Variants in PCDH15 observed in about 807,000 individuals in gnomAD.
PCDH15 encodes the protein protocadherin related 15, also known as protocadherin-15.
In PCDH15, 129 loss-of-function variants were observed where a neutral mutation model predicts 178.5. The ratio of observed to expected loss-of-function variants is 0.72; its 90% CI spans 0.63 to 0.84. The LOEUF (loss-of-function observed/expected upper bound fraction) is 0.84. PCDH15 is among the 40% of genes least tolerant of loss of function. The pLI is 0.00. For synonymous variants in PCDH15, 800 were observed against 732.0 expected (o/e 1.09, Z -1.50); for missense variants, 2,230 against 2,099.9 (o/e 1.06, Z -1.21).
rs191547207 is a variant in PCDH15 at position 55,394,431 on chromosome 10, A to G, written c.-155-227780T>C. Among the ~76,000 whole-genome samples, 270 of 152,156 alleles carry G rather than the reference A, an allele frequency of 1.8e-3. 2 individuals carry two copies. Among genetic ancestry groups the G allele is most frequent in the African/African-American group, 6.4e-3 (266 of 41,538 alleles). On this transcript the variant is annotated intron_variant, in intron 2 of 5. Coordinates refer to the PCDH15 transcript ENST00000613346. ...GAATTTCTAAGTGAGAAGGCTTTAA[A>G]GCAATAAGAACAAAACAAAAGCAAA...
chr10:53,936,025 C>A (rs2085542033), intron 25 of PCDH15, among the ~76,000 whole-genome samples: 1 of 152,102 alleles, frequency 6.6e-6, no homozygotes, highest in Admixed American at 6.6e-5. Context: ...TGGATATGAT[C>A]AAGCCTCCAG....
chr10:55,594,212 T>G (rs1044266917), intron 2 of PCDH15, among the ~76,000 whole-genome samples: 3 of 151,914 alleles, frequency 2.0e-5, no homozygotes, highest in African/African-American at 7.2e-5. Context: ...AAGAAATGTG[T>G]GTGTGTGTGT....
intron 1 of PCDH15, among the ~76,000 whole-genome samples, chr10:54,718,170 G>A (rs2095504075): frequency 6.7e-6 from 1 of 149,894 alleles, no homozygotes; most frequent in South Asian, 2.1e-4. Flanking sequence ...TAGGTGACGA[G>A]TTAGTGGGTG....
intron 2 of PCDH15, among the ~76,000 whole-genome samples, chr10:55,483,175 T>C (rs1840219447): frequency 6.6e-6 from 1 of 151,768 alleles, no homozygotes. Flanking sequence ...CAAAAGAAAC[T>C]GTCAACAGAA....
intron 3 of PCDH15, among the ~76,000 whole-genome samples, chr10:54,855,409 C>T (rs1453984958): frequency 7.2e-5 from 11 of 152,188 alleles, no homozygotes; most frequent in Non-Finnish European, 1.3e-4. Context: ...CCCATCCCAA[C>T]TCAGAAGAGA....
chr10:55,329,140 T>C (rs972781370), intron 2 of PCDH15, among the ~76,000 whole-genome samples: 1 of 150,216 alleles, frequency 6.7e-6, no homozygotes, highest in African/African-American at 2.4e-5. Context: ...AAGACAATAA[T>C]GGTATGGAAT....
At chr10:55,455,206 G>T (rs1329256508) in intron 2 of PCDH15, among the ~76,000 whole-genome samples, 1 of 152,034 alleles carries the variant, frequency 6.6e-6, no homozygotes, top group African/African-American at 2.4e-5. Context: ...GTAAAATGAG[G>T]ATAGTAACTC....
intron 2 of PCDH15, among the ~76,000 whole-genome samples, chr10:54,974,273 T>C (rs1219238501): frequency 1.3e-5 from 2 of 152,064 alleles, no homozygotes; most frequent in Non-Finnish European, 2.9e-5. Context: ...TATCCTCCAC[T>C]AAGAAAACTC....
chr10:54,930,056 T>C (rs1837732002), intron 2 of PCDH15, among the ~76,000 whole-genome samples: 1 of 152,162 alleles, frequency 6.6e-6, no homozygotes, highest in Non-Finnish European at 1.5e-5. Context: ...CACAGGTGAA[T>C]GCTGGCAGCT....
chr10:55,509,553 G>A (rs1565208060), intron 2 of PCDH15, among the ~76,000 whole-genome samples: 2 of 151,806 alleles, frequency 1.3e-5, no homozygotes, highest in Non-Finnish European at 2.9e-5. Context: ...CCTCCACTTA[G>A]CAATGTACAT....
intron 3 of PCDH15, among the ~76,000 whole-genome samples, chr10:54,499,358 A>G (rs1011635103): frequency 3.9e-5 from 6 of 152,118 alleles, no homozygotes; most frequent in African/African-American, 1.4e-4. Flanking sequence ...CACAATAACA[A>G]TGGAAAATGC....
intron 5 of PCDH15, among the ~76,000 whole-genome samples, chr10:54,352,754 A>G (rs1216509215): frequency 1.3e-5 from 2 of 152,150 alleles, no homozygotes; most frequent in East Asian, 1.9e-4. Context: ...TTAGGCAGCC[A>G]CTTCATGTCA....
At chr10:55,515,890 A>G (rs1040843856) in intron 2 of PCDH15, among the ~76,000 whole-genome samples, 3 of 152,188 alleles carry the variant, frequency 2.0e-5, no homozygotes, top group Non-Finnish European at 4.4e-5. Flanking sequence ...AGAATTTTCA[A>G]AAATATACCT....
intron 2 of PCDH15, among the ~76,000 whole-genome samples, chr10:55,384,820 C>T (rs1004108921): frequency 4.6e-5 from 7 of 152,088 alleles, no homozygotes; most frequent in Admixed American, 4.6e-4. Flanking sequence ...ATTACACCTA[C>T]TGTGGATCAA....
chr10:53,917,275 G>A (rs935371239), intron 25 of PCDH15, among the ~76,000 whole-genome samples: 2 of 151,962 alleles, frequency 1.3e-5, no homozygotes, highest in African/African-American at 2.4e-5. Context: ...AATACAAGCC[G>A]AATAGGAATT....
intron 2 of PCDH15, among the ~76,000 whole-genome samples, chr10:54,656,284 A>G (rs545195477): frequency 1.3e-5 from 2 of 152,114 alleles, no homozygotes; most frequent in South Asian, 4.2e-4. Flanking sequence ...AGAAAAAGAA[A>G]GCAGGAAGAG....
At chr10:55,114,686 A>T (rs1564809587) in intron 2 of PCDH15, among the ~76,000 whole-genome samples, 1 of 152,168 alleles carries the variant, frequency 6.6e-6, no homozygotes, top group African/African-American at 2.4e-5. Flanking sequence ...AACTCCCTGC[A>T]CTCAATAAGG....
chr10:54,435,786 C>T (rs375707796), intron 3 of PCDH15, among the ~76,000 whole-genome samples: 3 of 151,738 alleles, frequency 2.0e-5, no homozygotes, highest in Non-Finnish European at 4.4e-5. Flanking sequence ...CTGGCTAACA[C>T]GGTGAAACCC....
intron 3 of PCDH15, among the ~76,000 whole-genome samples, chr10:54,809,208 A>C (rs1952825255): frequency 6.6e-6 from 1 of 152,154 alleles, no homozygotes; most frequent in Admixed American, 6.5e-5. Context: ...GTACAATCTT[A>C]ATCCAGCCCT....
Sources: gnomAD v4.1 joint callset for allele counts (sites outside exome capture counted in the v4.1 genomes callset) on GRCh38, gnomAD v4.1.1 for gene constraint, MANE v1.5 for transcripts, NCBI Gene and HGNC (gene_info 2026-07-23, HGNC 2026-07-21) for gene names.